ACSM4: variants seen among roughly 807,000 people sequenced by gnomAD.
The protein encoded by ACSM4 is acyl-CoA synthetase medium chain family member 4, also known as acyl-coenzyme A synthetase ACSM4, mitochondrial.
Under a neutral mutation model 73.0 loss-of-function variants are expected in ACSM4, and 66 were observed. That is an observed-to-expected ratio of 0.90 (90% CI 0.74 to 1.11). ACSM4 has a LOEUF of 1.11. ACSM4 is among the 50% of genes least tolerant of loss of function. The pLI is 0.00. For synonymous variants in ACSM4, 222 were observed against 254.0 expected (o/e 0.87, Z 1.20); for missense variants, 645 against 714.4 (o/e 0.90, Z 1.11).
intron 4 of ACSM4, 21 bp downstream of exon 4, chr12:7,317,301 T>C (rs1213308767): frequency 6.5e-7 from 1 of 1,539,764 alleles, no homozygotes; most frequent in Non-Finnish European, 8.8e-7. Flanking sequence ...AAATTCAGTT[T>C]GTTTTTGGTG....
intron 2 of ACSM4, among the ~76,000 whole-genome samples, chr12:7,308,827 T>C (rs1345288757): frequency 6.6e-6 from 1 of 152,234 alleles, no homozygotes; most frequent in Non-Finnish European, 1.5e-5. Flanking sequence ...CACATTTTTG[T>C]ATTTAGCAAA....
chr12:7,320,675 T>C (rs1413723915), intron 5 of ACSM4, 50 bp from the exon 6 acceptor site: 2 of 1,485,094 alleles, frequency 1.3e-6, no homozygotes, highest in Non-Finnish European at 9.4e-7. Context: ...GCTCTAGTCA[T>C]GGCCTTTGAA....
intron 6 of ACSM4, among the ~76,000 whole-genome samples, chr12:7,321,061 G>C (rs1037682548): frequency 6.6e-6 from 1 of 152,074 alleles, no homozygotes; most frequent in Admixed American, 6.6e-5. Flanking sequence ...AGACACTGCC[G>C]AATGTCTTCT....
chr12:7,312,092 A>G (rs1000232864), intron 3 of ACSM4, among the ~76,000 whole-genome samples: 1 of 152,252 alleles, frequency 6.6e-6, no homozygotes, highest in Non-Finnish European at 1.5e-5. Flanking sequence ...CAGAAACTGT[A>G]TGGCCCACAA....
At chr12:7,306,417 C>T (rs980153621) in intron 1 of ACSM4, 116 bp from the exon 2 acceptor site, 52 of 934,292 alleles carry the variant, frequency 5.6e-5, no homozygotes, top group Middle Eastern at 3.4e-4. Flanking sequence ...GAACTCAGGG[C>T]GCTGTTAGCA....
In ACSM4 at chr12:7,317,297, A is replaced by G; in HGVS notation, c.764+17A>G. 1 of 1,543,020 alleles carries G rather than the reference A, an allele frequency of 6.5e-7. No individual in the cohort carries two copies. Among genetic ancestry groups the G allele is most frequent in the Non-Finnish European group, 8.7e-7 (1 of 1,144,194 alleles). On this transcript the variant is annotated intron_variant, in intron 4 of 12. Coordinates refer to ENST00000399422, the MANE Select transcript of ACSM4 (RefSeq NM_001080454.2). ...CTGCGGAAGGTAGGGAAGAAAATTC[A>G]GTTTGTTTTTGGTGAACTCCCCCAA...
chr12:7,324,649 T>A, intron 11 of ACSM4, 51 bp downstream of exon 11: 1 of 1,583,140 alleles, frequency 6.3e-7, no homozygotes, highest in Non-Finnish European at 8.7e-7. Flanking sequence ...TCAAGTTCTG[T>A]CCATTTGACC....
chr12:7,307,683 T>C (rs1002607313), intron 2 of ACSM4, among the ~76,000 whole-genome samples: 8 of 152,200 alleles, frequency 5.3e-5, no homozygotes, highest in African/African-American at 1.9e-4. Context: ...TAGCAAGCCA[T>C]GGTCTGTTGG....
chr12:7,315,212 AT>A (rs1946414292), intron 3 of ACSM4, among the ~76,000 whole-genome samples: 2 of 151,554 alleles, frequency 1.3e-5, no homozygotes, highest in Non-Finnish European at 2.9e-5. Flanking sequence ...AAAAAAAAAA[AT>A]CCTCACTGTT....
intron 3 of ACSM4, among the ~76,000 whole-genome samples, chr12:7,314,889 C>A (rs1209760425): frequency 1.3e-5 from 2 of 152,114 alleles, no homozygotes; most frequent in African/African-American, 4.8e-5. Context: ...TTTTATGAAA[C>A]TATTTTTAAA....
Position 7,328,273 on chromosome 12 carries a change from T to C in ACSM4, c.1657-14T>C, listed in dbSNP as rs1946525401. The C allele has an allele frequency of 1.3e-6, 2 of 1,565,878 alleles. No homozygotes were observed. The highest frequency in any genetic ancestry group is 2.3e-5 in the East Asian group (1 of 42,706). ...GGAATCAAGTGTCTCATCACGTTTTTTTCTGTCAATTAGGTGGAATTTGTT... is the reference window on the plus strand; with the variant it reads ...GGAATCAAGTGTCTCATCACGTTTTCTTCTGTCAATTAGGTGGAATTTGTT... On this transcript the variant is annotated splice_polypyrimidine_tract_variant and intron_variant, in intron 12 of 12. Coordinates refer to ENST00000399422, the MANE Select transcript of ACSM4 (RefSeq NM_001080454.2).
chr12:7,317,807 T>C (rs1425895505), intron 4 of ACSM4, among the ~76,000 whole-genome samples: 1 of 152,118 alleles, frequency 6.6e-6, no homozygotes, highest in African/African-American at 2.4e-5. Context: ...CAAAAAATCA[T>C]GCCACACCCA....
rs373571702 is a variant in ACSM4, at chr12:7,304,320, C to T, written c.-12C>T. 6.8e-6 allele frequency: 11 copies of T among 1,613,606 alleles called. No individual in the cohort carries two copies. The African/African-American group carries it at 1.2e-4, about 18-fold the overall frequency. On this transcript the variant is annotated 5_prime_UTR_variant, in exon 1 of 13. Coordinates refer to ENST00000399422, the MANE Select transcript of ACSM4 (RefSeq NM_001080454.2). The stretch of plus-strand genomic sequence containing the variant: ...CTGTGTCCATAGCAGTAGACAAAGT[C>T]CTTTGGGAACCATGAAGATTTTTTT...
At chr12:7,307,480 TACA>T (rs1247535570) in intron 2 of ACSM4, among the ~76,000 whole-genome samples, 1 of 152,112 alleles carries the variant, frequency 6.6e-6, no homozygotes, top group Non-Finnish European at 1.5e-5. Flanking sequence ...AAAAAAAAGA[TACA>T]ACAAGAAGAA....
rs772162110 is a variant in ACSM4, at chr12:7,304,348, G to A, written c.17G>A (p.Arg6His). The A allele has an allele frequency of 3.7e-5, 60 of 1,613,564 alleles. No individual in the cohort carries two copies. In the East Asian group the frequency reaches 8.0e-4, roughly 22 times the overall value. The change falls in exon 1 of 13, where the codon CGC becomes CAC. Residue 6 changes from arginine to histidine, a missense_variant. Coordinates refer to ENST00000399422, the MANE Select transcript of ACSM4 (RefSeq NM_001080454.2). MKIFFRYQTFRFIWLT... is the reference protein window; with the variant it reads MKIFFHYQTFRFIWLT... ...TTGGGAACCATGAAGATTTTTTTCCGCTACCAGACATTTAGATTCATCTGG... is the reference window on the plus strand; with the variant it reads ...TTGGGAACCATGAAGATTTTTTTCCACTACCAGACATTTAGATTCATCTGG...
At position 7,320,714 on chromosome 12, in the gene ACSM4, C is replaced by G; in HGVS notation, c.922-11C>G. On this transcript the variant is annotated splice_polypyrimidine_tract_variant and intron_variant, in intron 5 of 12. Transcript: ENST00000399422. Reference sequence around the variant, plus strand: ...CCACTTCTGACATCTGTGTCTTTCTCCATCATCCAGACACTTACTACTTAT... The same window carrying G: ...CCACTTCTGACATCTGTGTCTTTCTGCATCATCCAGACACTTACTACTTAT... 1 of 1,607,604 alleles carries G rather than the reference C, an allele frequency of 6.2e-7. No individual in the cohort carries two copies. Among genetic ancestry groups the G allele is most frequent in the Non-Finnish European group, 8.5e-7 (1 of 1,174,336 alleles).
chr12:7,323,564 TG>T lies in ACSM4; in HGVS notation c.1308+5del. On this transcript the variant is annotated splice_donor_5th_base_variant and intron_variant, in intron 9 of 12. Coordinates refer to ENST00000399422, the MANE Select transcript of ACSM4 (RefSeq NM_001080454.2). ...CTGTTTCTTCTCTAAATATGTGGTA[TG>T]AGGATAGAAAGTGCTGGTCATGCTT... 6.2e-7 allele frequency: 1 copy of T among 1,610,110 alleles called. No individual in the cohort carries two copies. Among genetic ancestry groups the T allele is most frequent in the East Asian group, 2.2e-5 (1 of 44,844 alleles).
intron 3 of ACSM4, among the ~76,000 whole-genome samples, chr12:7,314,782 G>A (rs1946410165): frequency 6.6e-6 from 1 of 152,192 alleles, no homozygotes; most frequent in African/African-American, 2.4e-5. Flanking sequence ...CAACTTCACT[G>A]TATACATACA....
Position 7,304,466 on chromosome 12 carries a change from C to T in ACSM4, c.135C>T (p.Asn45=). 6.2e-7 allele frequency: 1 copy of T among 1,613,988 alleles called. No individual in the cohort carries two copies. The highest frequency in any genetic ancestry group is 8.5e-7 in the Non-Finnish European group (1 of 1,179,868). The change falls in exon 1 of 13, where the codon AAC becomes AAT. Residue 45 remains asparagine, a synonymous_variant. Transcript: ENST00000399422. The part of the protein sequence containing the change: ...LADFEAINRC[N]RPLPKNFNFA... ...ACTTTGAAGCCATAAATCGCTGTAA[C>T]AGGCCATTGCCTAAAAACTTTAACT...
Sources: gnomAD v4.1 joint callset for allele counts (sites outside exome capture counted in the v4.1 genomes callset) on GRCh38, gnomAD v4.1.1 for gene constraint, MANE v1.5 for transcripts, NCBI Gene and HGNC (gene_info 2026-07-23, HGNC 2026-07-21) for gene names.